Variants in ZNF737 observed in about 807,000 individuals in gnomAD.
ZNF737 encodes zinc finger protein 102 (Y3).
In ZNF737, 13 loss-of-function variants were observed where a neutral mutation model predicts 11.7. The observed-to-expected ratio is 1.11, with a 90% CI of 0.73 to 1.77. ZNF737 has a LOEUF of 1.77. Among genes scored for constraint, ZNF737 ranks in the 40% most tolerant of loss-of-function variants. The pLI, the probability that ZNF737 is intolerant of heterozygous loss-of-function variation, is 0.00. For synonymous variants in ZNF737, 217 were observed against 216.2 expected (o/e 1.00, Z -0.03); for missense variants, 636 against 638.0 (o/e 1.00, Z 0.03).
In ZNF737 at chr19:20,544,509, T is replaced by C; in HGVS notation, c.*83A>G. 6.5e-7 allele frequency: 1 copy of C among 1,541,864 alleles called. No individual in the cohort carries two copies. ...AAGGCTTTGCCACATTTATCACACT[T>C]GTACAGTTTCCCTCCAATATGAATT... On this transcript the variant is annotated 3_prime_UTR_variant, in exon 4 of 4. Coordinates refer to ENST00000427401, the MANE Select transcript of ZNF737 (RefSeq NM_001159293.2).
downstream of ZNF737, among the ~76,000 whole-genome samples, chr19:20,535,465 C>T (rs1418582467): frequency 6.6e-6 from 1 of 151,182 alleles, no homozygotes; most frequent in Non-Finnish European, 1.5e-5. Context: ...CAACAACATT[C>T]ATGAACCTGA....
downstream of ZNF737, among the ~76,000 whole-genome samples, chr19:20,537,446 C>T (rs1432206658): frequency 1.3e-5 from 2 of 150,334 alleles, no homozygotes; most frequent in Non-Finnish European, 3.0e-5. Flanking sequence ...AGGTGATCCA[C>T]CCGCCTCGGC....
rs1968405221 is a variant in ZNF737 at position 20,545,319 on chromosome 19, T to C, written c.884A>G (p.Lys295Arg). 2 of 1,613,268 alleles carry C rather than the reference T, an allele frequency of 1.2e-6. No homozygotes were observed. Among genetic ancestry groups the C allele is most frequent in the African/African-American group, 1.3e-5 (1 of 74,994 alleles). ...ATGCGCAGTAAGGATAGAGGAGCGC[T>C]TAAAGGCCTTGCCACATTCTTCACA... ...YKCEECGKAF[K>R]RSSILTAHKI... Residue 295 changes from lysine to arginine, a missense_variant, in exon 4 of 4, where the codon AAG (lysine) becomes AGG (arginine). Transcript: ENST00000427401.
At chr19:20,548,071 G>A (rs956888862) in intron 3 of ZNF737, among the ~76,000 whole-genome samples, 2 of 152,090 alleles carry the variant, frequency 1.3e-5, no homozygotes, top group Admixed American at 6.6e-5. Flanking sequence ...AAACCCAGAA[G>A]GCAGAGGTTG....
At chr19:20,547,461 CAGAAT>C (rs1202812721) in intron 3 of ZNF737, among the ~76,000 whole-genome samples, 7 of 145,266 alleles carry the variant, frequency 4.8e-5, no homozygotes, top group African/African-American at 1.5e-4. Context: ...AATGAAAGAA[CAGAAT>C]AGAGAACTCA....
At chr19:20,560,980 C>T (rs1210444618) in intron 1 of ZNF737, among the ~76,000 whole-genome samples, 2 of 152,040 alleles carry the variant, frequency 1.3e-5, no homozygotes, top group Non-Finnish European at 2.9e-5. Context: ...ATGCTTAATA[C>T]CTCAGTGACA....
chr19:20,543,132 T>A lies in ZNF737; in HGVS notation c.*1460A>T, dbSNP rs138645537. The A allele has an allele frequency of 3.0e-4, 281 of 950,324 alleles. 2 individuals carry two copies. The East Asian group carries it at 0.018, about 59-fold the overall frequency. 58.9% of individuals were successfully genotyped at this position (950,324 alleles called of 1,614,324 possible). On this transcript the variant is annotated 3_prime_UTR_variant, in exon 4 of 4. Coordinates refer to ENST00000427401, the MANE Select transcript of ZNF737 (RefSeq NM_001159293.2). ...AATCTATTTTGAATTAAATATTTTT[T>A]AATATTTACTGCATCTGCAAAATTA... is the stretch of plus-strand genomic sequence containing the variant.
intron 1 of ZNF737, among the ~76,000 whole-genome samples, chr19:20,557,218 T>C (rs964466711): frequency 7.9e-5 from 12 of 152,310 alleles, no homozygotes; most frequent in African/African-American, 2.6e-4. Flanking sequence ...CTAAAATACA[T>C]ACTTTATTTA....
intron 1 of ZNF737, among the ~76,000 whole-genome samples, chr19:20,556,009 A>G (rs1272383621): frequency 6.6e-6 from 1 of 152,132 alleles, no homozygotes; most frequent in Non-Finnish European, 1.5e-5. Context: ...CTGTCCTTTA[A>G]AACAGAAGAG....
downstream of ZNF737, among the ~76,000 whole-genome samples, chr19:20,531,091 G>A (rs2122419076): frequency 6.8e-6 from 1 of 146,658 alleles, no homozygotes; most frequent in Non-Finnish European, 1.5e-5. Flanking sequence ...AGTCAGGCGT[G>A]GCGGCGCGCG....
intron 1 of ZNF737, among the ~76,000 whole-genome samples, chr19:20,560,917 G>C (rs1366290480): frequency 6.6e-6 from 1 of 152,228 alleles, no homozygotes; most frequent in Non-Finnish European, 1.5e-5. Context: ...CGGCCTAGTT[G>C]AGGGTGGAGG....
Position 20,541,418 on chromosome 19 carries a change from T to A in ZNF737, c.*3174A>T, listed in dbSNP as rs1459638808. The A allele has an allele frequency of 2.0e-6, 2 of 980,806 alleles. No individual in the cohort carries two copies. The highest frequency in any genetic ancestry group is 3.5e-5 in the African/African-American group (2 of 57,148). 60.8% of individuals were successfully genotyped at this position (980,806 alleles called of 1,614,324 possible). A position where few individuals can be genotyped will look rare whatever the true frequency, so the allele number is the denominator to read the frequency against. On this transcript the variant is annotated 3_prime_UTR_variant, in exon 4 of 4. Coordinates refer to ENST00000427401, the MANE Select transcript of ZNF737 (RefSeq NM_001159293.2). Reference sequence around the variant, plus strand: ...AAACTATATTACAAGTATTTATAATTTTTCAGGACTCAGAAATGTATGGAT... The same window carrying A: ...AAACTATATTACAAGTATTTATAATATTTCAGGACTCAGAAATGTATGGAT...
At chr19:20,531,057 C>T (rs1237855908), downstream of ZNF737, among the ~76,000 whole-genome samples, 6 of 146,712 alleles carry the variant, frequency 4.1e-5, 1 homozygote, top group African/African-American at 1.3e-4. Flanking sequence ...AAAACCCCGT[C>T]TCCACCAAAA....
Position 20,538,759 on chromosome 19 carries a change from TAG to T in ZNF737, c.*5831_*5832del, listed in dbSNP as rs1555754452. On this transcript the variant is annotated 3_prime_UTR_variant, in exon 4 of 4. Transcript: ENST00000427401. ...ATCAATGCTTTCCACATGCACCCAATAGAGTCTTAATTTAATTGGGCTGTTAT... is the reference window on the plus strand; with the variant it reads ...ATCAATGCTTTCCACATGCACCCAATAGTCTTAATTTAATTGGGCTGTTAT... The T allele has an allele frequency of 1.0e-6, 1 of 985,234 alleles. No individual in the cohort carries two copies. The highest frequency in any genetic ancestry group is 1.7e-5 in the African/African-American group (1 of 57,206). 61.0% of individuals were successfully genotyped at this position (985,234 alleles called of 1,614,324 possible). A position where few individuals can be genotyped will look rare whatever the true frequency, so the allele number is the denominator to read the frequency against.
chr19:20,552,000 G>A (rs1181943157), intron 3 of ZNF737, among the ~76,000 whole-genome samples: 4 of 146,142 alleles, frequency 2.7e-5, no homozygotes, highest in Admixed American at 6.8e-5. Context: ...GATATCATAC[G>A]TATAATTTCA....
Position 20,545,197 on chromosome 19 carries a change from T to G in ZNF737, c.1006A>C (p.Thr336Pro). Residue 336 changes from threonine (T) to proline (P), a missense_variant, in exon 4 of 4, where the codon ACT becomes CCT. Transcript: ENST00000427401. ...SVLTTHKRIH[T>P]GEKPYKCEEC... ...TCACATTTGTAGGGTTTCTCTCCAGTATGAATTCTTTTATGTGTAGTAAGG... is the reference window on the plus strand; with the variant it reads ...TCACATTTGTAGGGTTTCTCTCCAGGATGAATTCTTTTATGTGTAGTAAGG... 6.2e-7 allele frequency: 1 copy of G among 1,613,926 alleles called. No homozygotes were observed. Among genetic ancestry groups the G allele is most frequent in the Non-Finnish European group, 8.5e-7 (1 of 1,179,978 alleles).
In ZNF737 at chr19:20,545,549, T is replaced by C. The variant is rs782411045; in HGVS notation, c.654A>G (p.Thr218=). The C allele has an allele frequency of 1.9e-6, 3 of 1,612,322 alleles. No individual in the cohort carries two copies. The highest frequency in any genetic ancestry group is 1.7e-6 in the Non-Finnish European group (2 of 1,179,160). The change falls in exon 4 of 4, where the codon ACA becomes ACG. Residue 218 remains threonine (T), a synonymous_variant. Coordinates refer to ENST00000427401, the MANE Select transcript of ZNF737 (RefSeq NM_001159293.2). ...TCTCTCCAGTATGAATTCTCTTATG[T>C]GTAGTAAGGTGTGAGGACCAGTTGA... ...KAFNWSSHLT[T]HKRIHTGEKR...
chr19:20,553,854 A>G lies in ZNF737; in HGVS notation c.4-19T>C. The G allele has an allele frequency of 2.5e-6, 4 of 1,604,768 alleles. No individual in the cohort carries two copies. Among genetic ancestry groups the G allele is most frequent in the Non-Finnish European group, 3.4e-6 (4 of 1,177,712 alleles). On this transcript the variant is annotated intron_variant, in intron 1 of 3. Transcript: ENST00000427401. Reference sequence around the variant, plus strand: ...ATGGCCCCTGAAACACACACACAACATACGTTTTTACCAAGTAGCCAAGGG... The same window carrying G: ...ATGGCCCCTGAAACACACACACAACGTACGTTTTTACCAAGTAGCCAAGGG...
In ZNF737 at chr19:20,544,882, T is replaced by C. The variant is rs561007773; in HGVS notation, c.1321A>G (p.Thr441Ala). Residue 441 changes from threonine (T) to alanine (A), a missense_variant, in exon 4 of 4, where the codon ACT (threonine) becomes GCT (alanine). Coordinates refer to ENST00000427401, the MANE Select transcript of ZNF737 (RefSeq NM_001159293.2). ...CCAGTATGAATTCTCTTATGTGTAG[T>C]AAGGATAGAGAAGCACTTAAAGGCC... ...GKAFKCFSIL[T>A]THKRIHTGEK... is the part of the protein sequence containing the mutation. 40 of 1,613,714 alleles carry C rather than the reference T, an allele frequency of 2.5e-5. No homozygotes were observed. The East Asian group carries it at 7.4e-4, about 30-fold the overall frequency.
Sources: allele counts gnomAD v4.1 joint callset (sites outside exome capture counted in the v4.1 genomes callset), GRCh38; gene constraint gnomAD v4.1.1; transcripts MANE v1.5; gene names NCBI Gene and HGNC (gene_info 2026-07-23, HGNC 2026-07-21).